Variants in ANO5 observed in about 807,000 individuals in gnomAD.
The protein encoded by ANO5 is anoctamin-5.
A neutral mutation model predicts 121.0 loss-of-function variants in ANO5; 109 were observed. The ratio of observed to expected loss-of-function variants is 0.90; its 90% confidence interval spans 0.77 to 1.06. The LOEUF is 1.06. ANO5 is among the 50% of genes least tolerant of loss of function. ANO5 has a pLI of 0.00. For missense variants in ANO5, 1,064 were observed against 1,078.5 expected (o/e 0.99, Z 0.19); for synonymous variants, 406 against 359.9 (o/e 1.13, Z -1.45).
intron 17 of ANO5, among the ~76,000 whole-genome samples, chr11:22,269,211 AAG>A (rs1249128516): frequency 7.3e-6 from 1 of 136,688 alleles, no homozygotes; most frequent in African/African-American, 3.0e-5. Context: ...AAGAGAAGGG[AAG>A]AAGGAAAGAA....
Position 22,193,283 on chromosome 11 carries a change from G to C in ANO5, c.-210G>C, listed in dbSNP as rs181864243. On this transcript the variant is annotated 5_prime_UTR_variant, in exon 1 of 22. Transcript: ENST00000324559. Reference sequence around the variant, plus strand: ...GTGGAAGTACCCGCCGGAGAGGAAGGCCGGCTGGCTGTGGCGCCCAGAGAC... The same window carrying C: ...GTGGAAGTACCCGCCGGAGAGGAAGCCCGGCTGGCTGTGGCGCCCAGAGAC... 2.4e-3 allele frequency: 2,679 copies of C among 1,110,696 alleles called. 7 individuals carry two copies. The highest frequency in any genetic ancestry group is 2.6e-3 in the Non-Finnish European group (2,334 of 903,822). 68.8% of individuals were successfully genotyped at this position (1,110,696 alleles called of 1,614,324 possible). A position where few individuals can be genotyped will look rare whatever the true frequency, so the allele number is the denominator to read the frequency against.
intron 14 of ANO5, 142 bp downstream of exon 14, chr11:22,257,896 A>G: frequency 1.4e-6 from 1 of 701,340 alleles, no homozygotes; most frequent in East Asian, 2.9e-5. Context: ...TAGCTCTTAT[A>G]CAAAATAAAC....
At chr11:22,227,687 C>T (rs1428440700) in intron 7 of ANO5, 101 bp downstream of exon 7, 4 of 1,440,288 alleles carry the variant, frequency 2.8e-6, no homozygotes, top group Non-Finnish European at 2.9e-6. Context: ...CTGCAAGGTG[C>T]TTCTGTATAG....
Position 22,198,803 on chromosome 11 carries a change from A to T in ANO5, c.41-5001A>T, listed in dbSNP as rs371629261. Among the ~76,000 whole-genome samples, 4 of 152,278 alleles carry T rather than the reference A, an allele frequency of 2.6e-5. No homozygotes were observed. In the South Asian group the frequency reaches 6.2e-4, roughly 24 times the overall value. ...TCAATGTTAACTATCATATCTTGAG[A>T]CACAAGGCTTGTATTTCTTAGAATC... On this transcript the variant is annotated intron_variant, in intron 1 of 21. Coordinates refer to ENST00000324559, the MANE Select transcript of ANO5 (RefSeq NM_213599.3).
chr11:22,212,697 T>G (rs908930322), intron 3 of ANO5, among the ~76,000 whole-genome samples: 2 of 151,922 alleles, frequency 1.3e-5, no homozygotes, highest in African/African-American at 4.8e-5. Flanking sequence ...CTTAGTATCA[T>G]TTAAAATTGC....
At chr11:22,244,836 G>A (rs75140419) in intron 9 of ANO5, among the ~76,000 whole-genome samples, 2,720 of 151,984 alleles carry the variant, frequency 0.018, 79 homozygotes, top group African/African-American at 0.062. Context: ...CTTGAATCTC[G>A]ATGAGTGTCC....
intron 2 of ANO5, among the ~76,000 whole-genome samples, chr11:22,206,430 C>T (rs910042575): frequency 2.0e-5 from 3 of 152,012 alleles, no homozygotes; most frequent in Non-Finnish European, 4.4e-5. Context: ...GATTCCCCTT[C>T]CTCTCCTGAG....
intron 4 of ANO5, 38 bp downstream of exon 4, chr11:22,218,325 A>G (rs200800121): frequency 6.2e-7 from 1 of 1,610,298 alleles, no homozygotes; most frequent in Non-Finnish European, 8.5e-7. Context: ...TATGCTCTGA[A>G]TGGCTGCAGT....
At position 22,241,991 on chromosome 11, in the gene ANO5, G is replaced by A. The variant is rs150244514; in HGVS notation, c.878+2307G>A. Among the ~76,000 whole-genome samples the A allele has an allele frequency of 3.9e-4, 60 of 152,110 alleles. No individual in the cohort carries two copies. The East Asian group carries it at 6.9e-3, about 18-fold the overall frequency. On this transcript the variant is annotated intron_variant, in intron 9 of 21. Coordinates refer to ENST00000324559, the MANE Select transcript of ANO5 (RefSeq NM_213599.3). ...CCGATGTAGAGAAAGATACTTCTTAGGTTTTCTTCTAGGATTTTTATAGTT... is the reference window on the plus strand; with the variant it reads ...CCGATGTAGAGAAAGATACTTCTTAAGTTTTCTTCTAGGATTTTTATAGTT...
chr11:22,203,193 A>G (rs1440350795), intron 1 of ANO5, among the ~76,000 whole-genome samples: 1 of 152,168 alleles, frequency 6.6e-6, no homozygotes, highest in Non-Finnish European at 1.5e-5. Context: ...GAAGTTTTTG[A>G]CTTAAATATA....
intron 5 of ANO5, among the ~76,000 whole-genome samples, chr11:22,222,793 G>T (rs1315737933): frequency 6.6e-6 from 1 of 151,946 alleles, no homozygotes; most frequent in Non-Finnish European, 1.5e-5. Flanking sequence ...ACTTTACCTT[G>T]TATTTGTGCC....
Position 22,269,382 on chromosome 11 carries a change from GAAGA to G in ANO5, c.1899-926_1899-923del, listed in dbSNP as rs376544728. Among the ~76,000 whole-genome samples, 169 of 139,688 alleles carry G rather than the reference GAAGA, an allele frequency of 1.2e-3. 2 individuals are homozygous for G. The highest frequency in any genetic ancestry group is 3.6e-3 in the African/African-American group (131 of 36,520). 91.6% of individuals were successfully genotyped at this position (139,688 alleles called of 152,430 possible). A position where few individuals can be genotyped will look rare whatever the true frequency, so the allele number is the denominator to read the frequency against. ...AAGAGAAGGGAAAGGAAGAAGGAAA[GAAGA>G]AAGGAAGGAAGGAAGGAGAAAAAAA... On this transcript the variant is annotated intron_variant, in intron 17 of 21. Transcript: ENST00000324559.
Position 22,227,475 on chromosome 11 carries a change from G to A in ANO5, c.537G>A (p.Val179=). 6.2e-7 allele frequency: 1 copy of A among 1,613,566 alleles called. No individual in the cohort carries two copies. The highest frequency in any genetic ancestry group is 1.3e-5 in the African/African-American group (1 of 74,970). ...GACCTGTAAGACTCCCACTGAGTGT[G>A]AAGTATCCCCATCCTGAATATTTTA... ...VLGPVRLPLS[V]KYPHPEYFTA... Residue 179 remains valine (V), a synonymous_variant, in exon 7 of 22, where the codon GTG becomes GTA. Transcript: ENST00000324559.
chr11:22,222,890 T>G (rs1331319171), intron 5 of ANO5, among the ~76,000 whole-genome samples: 1 of 152,030 alleles, frequency 6.6e-6, no homozygotes, highest in Non-Finnish European at 1.5e-5. Flanking sequence ...AGATGACTGT[T>G]TTATAATGCT....
intron 18 of ANO5, among the ~76,000 whole-genome samples, chr11:22,272,504 GCA>G (rs1854657798): frequency 6.6e-6 from 1 of 152,090 alleles, no homozygotes; most frequent in East Asian, 1.9e-4. Flanking sequence ...ATAATAAAAG[GCA>G]AAGAGGAATA....
intron 2 of ANO5, among the ~76,000 whole-genome samples, chr11:22,208,281 G>T (rs543486183): frequency 2.0e-5 from 3 of 152,006 alleles, no homozygotes; most frequent in Non-Finnish European, 4.4e-5. Context: ...AACAACCTAA[G>T]TGTCCTACAG....
Position 22,283,142 on chromosome 11 carries a change from G to A in ANO5, c.*3377G>A, listed in dbSNP as rs1211446869. 6.6e-6 allele frequency: 1 copy of A among 152,186 alleles called. No homozygotes were observed. The highest frequency in any genetic ancestry group is 2.4e-5 in the African/African-American group (1 of 41,446). The allele number at this position is 152,186 out of a possible 1,614,324, so 9.4% of individuals were successfully genotyped here. On this transcript the variant is annotated 3_prime_UTR_variant, in exon 22 of 22. Transcript: ENST00000324559. Reference sequence around the variant, plus strand: ...AGATACCTGCTTCCTCCTCCTCAAAGGTTTGACTGGGTGTATCTCTCCTAT... The same window carrying A: ...AGATACCTGCTTCCTCCTCCTCAAAAGTTTGACTGGGTGTATCTCTCCTAT...
In ANO5 at chr11:22,218,440, A is replaced by T. The variant is rs541065643; in HGVS notation, c.180+153A>T. On this transcript the variant is annotated intron_variant, in intron 4 of 21. Coordinates refer to ENST00000324559, the MANE Select transcript of ANO5 (RefSeq NM_213599.3). The stretch of plus-strand genomic sequence containing the variant: ...TGAAGTTTAAGAATAGTGATTCTTA[A>T]TTTGTTCTGGATTTGGATTAAATCT... Among the ~76,000 whole-genome samples the T allele has an allele frequency of 3.3e-5, 5 of 152,162 alleles. No individual in the cohort carries two copies. In the South Asian group the frequency reaches 8.3e-4, roughly 25 times the overall value.
chr11:22,211,918 G>GT (rs1852289462), intron 3 of ANO5, among the ~76,000 whole-genome samples: 1 of 151,580 alleles, frequency 6.6e-6, no homozygotes, highest in Non-Finnish European at 1.5e-5. Flanking sequence ...AATCTTTAGT[G>GT]TTTTGGAATG....
Sources: allele counts gnomAD v4.1 joint callset (sites outside exome capture counted in the v4.1 genomes callset), GRCh38; gene constraint gnomAD v4.1.1; transcripts MANE v1.5; gene names NCBI Gene and HGNC (gene_info 2026-07-23, HGNC 2026-07-21).